The following ZC3H12B variants were observed in gnomAD, a reference collection of about 807,000 sequenced individuals.
ZC3H12B encodes the protein zinc finger CCCH-type containing 12B.
In ZC3H12B, 7 loss-of-function variants were observed where a neutral mutation model predicts 43.9. The ratio of observed to expected loss-of-function variants is 0.16; its 90% confidence interval spans 0.09 to 0.30. ZC3H12B has a LOEUF of 0.30. ZC3H12B is among the 10% of genes least tolerant of loss of function. The pLI is 1.00. For missense variants in ZC3H12B, 475 were observed against 670.2 expected, an observed-to-expected ratio of 0.71 and a Z score of 3.22; for synonymous variants, 222 against 241.7, an observed-to-expected ratio of 0.92 and a Z score of 0.76.
At chrX:65,360,157 G>T in the ZC3H12B span, among the ~76,000 whole-genome samples, 1 of 112,305 alleles carries the variant, frequency 8.9e-6, no homozygotes, top group Non-Finnish European at 1.9e-5. Context: ...ACAATAGAGT[G>T]TAAACATAAC....
the ZC3H12B span, among the ~76,000 whole-genome samples, chrX:65,105,167 A>G: frequency 7.3e-4 from 80 of 109,763 alleles, no homozygotes; most frequent in Non-Finnish European, 1.3e-3. Context: ...AAAACCAAAC[A>G]CCACAAATTT....
chrX:65,077,240 C>A, the ZC3H12B span, among the ~76,000 whole-genome samples: 1 of 111,823 alleles, frequency 8.9e-6, no homozygotes, highest in Non-Finnish European at 1.9e-5. Context: ...TACCGGGTGT[C>A]ATTGAGCCAC....
the ZC3H12B span, among the ~76,000 whole-genome samples, chrX:65,144,123 C>T: frequency 7.2e-5 from 8 of 111,476 alleles, no homozygotes; most frequent in Non-Finnish European, 1.5e-4. Flanking sequence ...GTGAATCAAT[C>T]TAGTCTTGGG....
At chrX:65,289,614 C>A in the ZC3H12B span, among the ~76,000 whole-genome samples, 1 of 108,930 alleles carries the variant, frequency 9.2e-6, no homozygotes, top group Non-Finnish European at 1.9e-5. Flanking sequence ...CTATAGTAAC[C>A]AAAACAGCAT....
chrX:65,118,894 G>A, the ZC3H12B span, among the ~76,000 whole-genome samples: 2 of 104,841 alleles, frequency 1.9e-5, no homozygotes, highest in Non-Finnish European at 3.9e-5. Context: ...GTGAGAACAT[G>A]CGGTGTTTGG....
the ZC3H12B span, among the ~76,000 whole-genome samples, chrX:65,064,588 G>T: frequency 8.4e-4 from 94 of 111,699 alleles, no homozygotes; most frequent in African/African-American, 2.8e-3. Flanking sequence ...GTCAGTTTTT[G>T]AATAAGTGCT....
the ZC3H12B span, among the ~76,000 whole-genome samples, chrX:65,167,260 T>C: frequency 3.6e-5 from 4 of 112,241 alleles, no homozygotes; most frequent in Non-Finnish European, 7.5e-5. Context: ...TTTCTACATA[T>C]GGCTAGCCAG....
At chrX:65,055,456 AGCTTTTTCATGTGTT>A in the ZC3H12B span, among the ~76,000 whole-genome samples, 1 of 111,779 alleles carries the variant, frequency 8.9e-6, no homozygotes, top group South Asian at 3.7e-4. Flanking sequence ...ATGGTGGATA[AGCTTTTTCATGTGTT>A]GCTGGATTCG....
the ZC3H12B span, among the ~76,000 whole-genome samples, chrX:65,138,754 A>G: frequency 4.5e-5 from 5 of 111,461 alleles, no homozygotes; most frequent in African/African-American, 1.3e-4. Flanking sequence ...AACACTTGAT[A>G]TCTGTAATCT....
At chrX:65,116,046 A>G in the ZC3H12B span, among the ~76,000 whole-genome samples, 41 of 111,384 alleles carry the variant, frequency 3.7e-4, no homozygotes, top group Non-Finnish European at 7.2e-4. Context: ...GAAGCTTTTT[A>G]GTTTAAGTAG....
At chrX:65,228,031 T>C in the ZC3H12B span, among the ~76,000 whole-genome samples, 130 of 111,859 alleles carry the variant, frequency 1.2e-3, no homozygotes, top group Non-Finnish European at 1.3e-3. Context: ...TAACTCATTT[T>C]ATGAGGCCAG....
chrX:65,111,902 A>G, the ZC3H12B span, among the ~76,000 whole-genome samples: 5 of 111,329 alleles, frequency 4.5e-5, no homozygotes, highest in African/African-American at 1.6e-4. Context: ...AATGGCCTCT[A>G]AATGTTCAAG....
the ZC3H12B span, among the ~76,000 whole-genome samples, chrX:65,303,820 G>C: frequency 2.7e-5 from 3 of 112,223 alleles, no homozygotes; most frequent in Non-Finnish European, 5.6e-5. Flanking sequence ...AATACATAGA[G>C]ATGATCTGAT....
the ZC3H12B span, among the ~76,000 whole-genome samples, chrX:65,310,427 A>C: frequency 2.7e-5 from 3 of 111,810 alleles, no homozygotes; most frequent in Admixed American, 9.5e-5. Flanking sequence ...TAAAATACCT[A>C]GGAATCCAAC....
At chrX:65,437,408 C>T (rs1194182700) in intron 3 of ZC3H12B, among the ~76,000 whole-genome samples, 1 of 112,126 alleles carries the variant, frequency 8.9e-6, no homozygotes, top group Non-Finnish European at 1.9e-5. Context: ...CAATATTTGT[C>T]TTTCTATGCC....
At chrX:65,393,620 A>G (rs2066656724) in intron 2 of ZC3H12B, among the ~76,000 whole-genome samples, 1 of 112,030 alleles carries the variant, frequency 8.9e-6, no homozygotes, top group Non-Finnish European at 1.9e-5. Flanking sequence ...TGGCTGCATA[A>G]TATTTCATGG....
chrX:65,435,644 G>GGATAGATAGATAGATA (rs34975614), intron 3 of ZC3H12B, among the ~76,000 whole-genome samples: 66 of 94,397 alleles, frequency 7.0e-4, no homozygotes, highest in Admixed American at 9.6e-4. Flanking sequence ...AGAACCAATA[G>GGATAGATAGATAGATA]GATAGATAGA....
the ZC3H12B span, among the ~76,000 whole-genome samples, chrX:65,325,045 T>C: frequency 1.8e-5 from 2 of 111,452 alleles, no homozygotes; most frequent in South Asian, 7.4e-4. Flanking sequence ...GTAATGTTTC[T>C]GTGTCTCTTT....
At chrX:65,176,201 G>C in the ZC3H12B span, among the ~76,000 whole-genome samples, 1 of 111,610 alleles carries the variant, frequency 9.0e-6, no homozygotes, top group South Asian at 3.8e-4. Context: ...GGGCTTGGTG[G>C]GGGGAGGGGA....
Sources: gnomAD v4.1 joint callset for allele counts (sites outside exome capture counted in the v4.1 genomes callset) on GRCh38, gnomAD v4.1.1 for gene constraint, MANE v1.5 for transcripts, NCBI Gene and HGNC (gene_info 2026-07-23, HGNC 2026-07-21) for gene names.